COL23A1: variants seen among roughly 807,000 people sequenced by gnomAD.
COL23A1 encodes collagen type XXIII alpha 1 chain.
In COL23A1, 97 loss-of-function variants were observed where a neutral mutation model predicts 99.3. The observed-to-expected ratio is 0.98, with a 90% CI of 0.83 to 1.16. The LOEUF (loss-of-function observed/expected upper bound fraction) is 1.16, where lower values mean the gene tolerates loss of function less well. Ranked by LOEUF, COL23A1 falls within the 50% of genes most tolerant of loss-of-function variation. COL23A1 has a pLI of 0.00. For missense variants in COL23A1, 762 were observed against 757.4 expected (o/e 1.01, Z -0.07); for synonymous variants, 320 against 308.2 (o/e 1.04, Z -0.40).
intron 27 of COL23A1, among the ~76,000 whole-genome samples, chr5:178,241,257 G>A (rs1332884881): frequency 6.6e-6 from 1 of 152,026 alleles, no homozygotes; most frequent in Non-Finnish European, 1.5e-5. Flanking sequence ...TTGAACTGTG[G>A]TTGTTTCAGG....
At position 178,434,402 on chromosome 5, in the gene COL23A1, C is replaced by T. The variant is rs1025442620; in HGVS notation, c.361+126280G>A. 6.6e-6 allele frequency among the ~76,000 whole-genome samples: 1 copy of T among 152,232 alleles called. No individual in the cohort carries two copies. Among genetic ancestry groups the T allele is most frequent in the Non-Finnish European group, 1.5e-5 (1 of 68,038 alleles). ...CAGCGCCCCTGCAGCACGGTGGCCT[C>T]GGGCAAAATGCCTGGACCAGGACTT... On this transcript the variant is annotated intron_variant, in intron 2 of 28. Transcript: ENST00000390654. The surrounding 1 kb of genome is among the most constrained non-coding windows in gnomAD (Gnocchi z 4.3).
At chr5:178,373,976 G>C (rs967902134) in intron 2 of COL23A1, among the ~76,000 whole-genome samples, 1 of 152,134 alleles carries the variant, frequency 6.6e-6, no homozygotes, top group Admixed American at 6.5e-5. Flanking sequence ...GTGCAGCACC[G>C]GCGCCCGCAC....
At chr5:178,339,484 T>C (rs1446324405) in intron 2 of COL23A1, among the ~76,000 whole-genome samples, 2 of 152,170 alleles carry the variant, frequency 1.3e-5, no homozygotes, top group African/African-American at 2.4e-5. Flanking sequence ...CAGCCTCAGA[T>C]CCTGCACTGA....
At chr5:178,358,070 G>A (rs62644433) in intron 2 of COL23A1, among the ~76,000 whole-genome samples, 1 of 144,762 alleles carries the variant, frequency 6.9e-6, no homozygotes, top group African/African-American at 2.6e-5. Context: ...TGTGTATTGT[G>A]TGTATGTGTA....
chr5:178,297,415 G>C (rs968788607), intron 3 of COL23A1, among the ~76,000 whole-genome samples: 1 of 152,220 alleles, frequency 6.6e-6, no homozygotes, highest in African/African-American at 2.4e-5. Flanking sequence ...CTACTCAGGA[G>C]GCTGAGGCAG....
intron 24 of COL23A1, 127 bp from the exon 25 acceptor site, chr5:178,246,095 A>G: frequency 7.5e-7 from 1 of 1,324,556 alleles, no homozygotes; most frequent in Non-Finnish European, 1.1e-6. Flanking sequence ...CCACGCAGGC[A>G]TAGATGGAGG....
chr5:178,276,021 C>T (rs1032984350), intron 5 of COL23A1, among the ~76,000 whole-genome samples: 8 of 152,220 alleles, frequency 5.3e-5, no homozygotes, highest in South Asian at 2.1e-4. Flanking sequence ...CTGGTACTAA[C>T]GCAGCGGGCA....
chr5:178,475,928 C>T (rs1259795433), intron 2 of COL23A1, among the ~76,000 whole-genome samples: 1 of 152,208 alleles, frequency 6.6e-6, no homozygotes, highest in Non-Finnish European at 1.5e-5. Context: ...CATCGTCTAT[C>T]TCTGATCTTT....
intron 2 of COL23A1, among the ~76,000 whole-genome samples, chr5:178,341,617 G>A (rs566645784): frequency 5.9e-4 from 90 of 152,294 alleles, no homozygotes; most frequent in Admixed American, 1.6e-3. Flanking sequence ...GGGTGAGGCT[G>A]GAAGAGGCTG....
At chr5:178,238,802 T>C (rs1764242709) in intron 28 of COL23A1, 102 bp from the exon 29 acceptor site, 1 of 1,471,782 alleles carries the variant, frequency 6.8e-7, no homozygotes, top group Non-Finnish European at 9.5e-7. Context: ...CATTTCCTCC[T>C]ATCTTCCCTC....
chr5:178,295,736 T>C (rs1757703026), intron 3 of COL23A1, among the ~76,000 whole-genome samples: 1 of 152,224 alleles, frequency 6.6e-6, no homozygotes, highest in Non-Finnish European at 1.5e-5. Flanking sequence ...CAGATGGAAC[T>C]GATTAAATAG....
At chr5:178,516,094 C>G (rs555101644) in intron 2 of COL23A1, among the ~76,000 whole-genome samples, 1 of 152,166 alleles carries the variant, frequency 6.6e-6, no homozygotes, top group Non-Finnish European at 1.5e-5. Context: ...AAATACTCCA[C>G]GGCACCCTGG....
At chr5:178,293,552 C>T (rs1390538548) in intron 3 of COL23A1, among the ~76,000 whole-genome samples, 2 of 151,934 alleles carry the variant, frequency 1.3e-5, no homozygotes, top group Non-Finnish European at 2.9e-5. Flanking sequence ...GAAAGGGCCA[C>T]GGGGGCTGGG....
At chr5:178,458,369 C>T (rs988118291) in intron 2 of COL23A1, among the ~76,000 whole-genome samples, 1 of 152,094 alleles carries the variant, frequency 6.6e-6, no homozygotes, top group Admixed American at 6.5e-5. Context: ...GAGCCGGGCA[C>T]GGTGGCTCAT....
chr5:178,349,506 C>T (rs1222134633), intron 2 of COL23A1, among the ~76,000 whole-genome samples: 1 of 43,866 alleles, frequency 2.3e-5, no homozygotes, highest in Admixed American at 2.0e-4. Flanking sequence ...GCCCATCCCC[C>T]ATGCCCCACA....
chr5:178,388,342 C>T (rs758557024), intron 2 of COL23A1, among the ~76,000 whole-genome samples: 24 of 152,314 alleles, frequency 1.6e-4, no homozygotes, highest in Middle Eastern at 6.8e-3. Context: ...ATCTTACGTT[C>T]CCTCTTCTCA....
chr5:178,514,738 A>G (rs1039371027), intron 2 of COL23A1, among the ~76,000 whole-genome samples: 2 of 152,196 alleles, frequency 1.3e-5, no homozygotes. Flanking sequence ...TAAATTTGTA[A>G]CTGACATGTA....
At chr5:178,547,609 ACCCCC>A (rs1189198929) in intron 2 of COL23A1, among the ~76,000 whole-genome samples, 146 of 3,008 alleles carry the variant, frequency 0.049, 7 homozygotes, top group African/African-American at 0.12. Context: ...CCACACACAC[ACCCCC>A]CACACACACC....
chr5:178,356,050 G>C (rs553732185), intron 2 of COL23A1, among the ~76,000 whole-genome samples: 2 of 152,340 alleles, frequency 1.3e-5, no homozygotes, highest in African/African-American at 4.8e-5. Flanking sequence ...AAAACGCAAG[G>C]TGCTGAGCAC....
Sources: allele counts gnomAD v4.1 joint callset (sites outside exome capture counted in the v4.1 genomes callset), GRCh38; gene constraint gnomAD v4.1.1; non-coding constraint Gnocchi (gnomAD v3.1); transcripts MANE v1.5; gene names NCBI Gene and HGNC (gene_info 2026-07-23, HGNC 2026-07-21).